The following OPCML variants were observed in gnomAD, a reference collection of about 807,000 sequenced individuals.
The protein encoded by OPCML is opioid-binding protein/cell adhesion molecule.
Under a neutral mutation model 37.8 loss-of-function variants are expected in OPCML, and 13 were observed. That is an observed-to-expected ratio of 0.34 (90% CI 0.22 to 0.55). The LOEUF is 0.55. OPCML is among the 20% of genes least tolerant of loss of function. OPCML has a pLI of 0.91. For missense variants in OPCML, 341 were observed against 435.6 expected (o/e 0.78, Z 1.93); for synonymous variants, 176 against 168.8 (o/e 1.04, Z -0.33).
chr11:133,277,441 T>C (rs1338742194), intron 1 of OPCML, among the ~76,000 whole-genome samples: 1 of 152,036 alleles, frequency 6.6e-6, no homozygotes, highest in African/African-American at 2.4e-5. Flanking sequence ...CATTCATTAA[T>C]TTATACATTA....
intron 2 of OPCML, among the ~76,000 whole-genome samples, chr11:132,691,363 G>A (rs1461261524): frequency 6.6e-6 from 1 of 152,176 alleles, no homozygotes; most frequent in Non-Finnish European, 1.5e-5. Context: ...GTGAAGACTA[G>A]GTTAAAGCCA....
intron 2 of OPCML, among the ~76,000 whole-genome samples, chr11:132,712,695 G>A (rs1329563074): frequency 6.6e-6 from 1 of 152,160 alleles, no homozygotes; most frequent in Non-Finnish European, 1.5e-5. Flanking sequence ...CTGAGCTGCC[G>A]CTTCCCACTC....
chr11:132,558,909 T>C (rs2096404277), intron 3 of OPCML, among the ~76,000 whole-genome samples: 1 of 152,104 alleles, frequency 6.6e-6, no homozygotes. Flanking sequence ...CTTGATGTTA[T>C]TCCATTCATG....
chr11:132,493,270 G>A (rs951152612), intron 4 of OPCML, among the ~76,000 whole-genome samples: 11 of 152,088 alleles, frequency 7.2e-5, no homozygotes, highest in Admixed American at 2.6e-4. Flanking sequence ...AGTAGAGCTC[G>A]GGAAGAGGGA....
chr11:133,419,253 A>G, intron 1 of OPCML: 3 of 985,398 alleles, frequency 3.0e-6, no homozygotes, highest in Non-Finnish European at 3.6e-6. Flanking sequence ...GAGAGAGTAT[A>G]TGAGTTTGGT....
chr11:132,944,443 G>A (rs953629669), intron 1 of OPCML, among the ~76,000 whole-genome samples: 2 of 152,130 alleles, frequency 1.3e-5, no homozygotes, highest in Non-Finnish European at 2.9e-5. Flanking sequence ...GCGCAGAGGT[G>A]GAGTGCACCC....
Position 132,607,640 on chromosome 11 carries a change from C to T in OPCML, c.379+49447G>A, listed in dbSNP as rs141183335. On this transcript the variant is annotated intron_variant, in intron 3 of 7. Transcript: ENST00000524381. ...ATCACACAGTGGCTAGGGCATGGTT[C>T]TAGAGTCAGACTTGGGTTCCAGCTT... Among the ~76,000 whole-genome samples, 6 of 152,298 alleles carry T rather than the reference C, an allele frequency of 3.9e-5. No homozygotes were observed. The East Asian group carries it at 9.6e-4, about 24-fold the overall frequency.
chr11:132,436,788 A>AACACAC lies in OPCML; in HGVS notation c.644-15_644-10dup. The AACACAC allele has an allele frequency of 6.2e-7, 1 of 1,604,580 alleles. No homozygotes were observed. The highest frequency in any genetic ancestry group is 8.5e-7 in the Non-Finnish European group (1 of 1,174,050). Reference sequence around the variant, plus strand: ...TGAGATATAGGGAGGATCTGTGGGAAACACACACACACACATGCACAGGCA... The same window carrying AACACAC: ...TGAGATATAGGGAGGATCTGTGGGAAACACACACACACACACACACATGCACAGGCA... On this transcript the variant is annotated splice_polypyrimidine_tract_variant and intron_variant, in intron 5 of 7. Transcript: ENST00000524381.
chr11:132,910,027 A>G (rs1944369470), intron 2 of OPCML, among the ~76,000 whole-genome samples: 1 of 152,250 alleles, frequency 6.6e-6, no homozygotes, highest in Non-Finnish European at 1.5e-5. Context: ...TTCAGAAGAC[A>G]GGGAGTGAGC....
At chr11:133,499,944 T>C (rs1393995595) in intron 1 of OPCML, among the ~76,000 whole-genome samples, 2 of 148,428 alleles carry the variant, frequency 1.3e-5, no homozygotes, top group Non-Finnish European at 3.0e-5. Context: ...AGATCTCGGC[T>C]CACTGCAACC....
At chr11:133,267,786 T>C (rs572184451) in intron 1 of OPCML, among the ~76,000 whole-genome samples, 35 of 152,272 alleles carry the variant, frequency 2.3e-4, no homozygotes, top group African/African-American at 8.4e-4. Context: ...ATAAGTCTCA[T>C]GAGATCTGAT....
intron 1 of OPCML, among the ~76,000 whole-genome samples, chr11:133,374,920 A>C (rs1944764669): frequency 2.0e-5 from 3 of 152,156 alleles, no homozygotes; most frequent in Admixed American, 2.0e-4. Context: ...GCGTCACTTT[A>C]TGTGTAAGAC....
chr11:132,517,888 G>T (rs1355042393), intron 4 of OPCML, among the ~76,000 whole-genome samples: 1 of 151,944 alleles, frequency 6.6e-6, no homozygotes, highest in African/African-American at 2.4e-5. Context: ...CTGGTTTCTA[G>T]GTGGGGAAAT....
chr11:132,628,209 T>C (rs1939863514), intron 3 of OPCML, among the ~76,000 whole-genome samples: 2 of 151,996 alleles, frequency 1.3e-5, no homozygotes, highest in African/African-American at 2.4e-5. Context: ...AAGAGAGCCA[T>C]GAACAGAGAA....
intron 1 of OPCML, chr11:133,007,176 G>A: frequency 1.0e-6 from 1 of 985,344 alleles, no homozygotes; most frequent in Middle Eastern, 5.2e-4. Context: ...GTGGCCTTGG[G>A]GACTCTGTCT....
intron 2 of OPCML, among the ~76,000 whole-genome samples, chr11:132,719,785 T>A (rs1427730565): frequency 3.3e-5 from 5 of 152,162 alleles, no homozygotes; most frequent in Middle Eastern, 3.2e-3. Context: ...CCCCTCAACT[T>A]CTCCAGATGG....
At chr11:133,339,781 A>G (rs1943822542) in intron 1 of OPCML, among the ~76,000 whole-genome samples, 1 of 152,206 alleles carries the variant, frequency 6.6e-6, no homozygotes, top group African/African-American at 2.4e-5. Flanking sequence ...ATGAAAGACT[A>G]TGAGTCATTT....
At chr11:132,645,486 C>G (rs185885077) in intron 3 of OPCML, among the ~76,000 whole-genome samples, 1 of 152,304 alleles carries the variant, frequency 6.6e-6, no homozygotes, top group African/African-American at 2.4e-5. Context: ...AGAGAGACTT[C>G]TATGGTCATG....
chr11:133,284,926 G>A (rs904455356), intron 1 of OPCML, among the ~76,000 whole-genome samples: 7 of 152,082 alleles, frequency 4.6e-5, no homozygotes, highest in African/African-American at 1.4e-4. Context: ...CATGGTTCTT[G>A]CTCTAGGAGA....
Sources: allele counts gnomAD v4.1 joint callset (sites outside exome capture counted in the v4.1 genomes callset), GRCh38; gene constraint gnomAD v4.1.1; transcripts MANE v1.5; gene names NCBI Gene and HGNC (gene_info 2026-07-23, HGNC 2026-07-21).